Variants in CTNND2 observed in about 807,000 individuals in gnomAD.
CTNND2 encodes the protein catenin delta-2.
Under a neutral mutation model 144.4 loss-of-function variants are expected in CTNND2, and 22 were observed. The observed-to-expected ratio is 0.15, with a 90% CI of 0.11 to 0.22. CTNND2 has a LOEUF of 0.22. CTNND2 is among the 10% of genes least tolerant of loss of function. The pLI, the probability that CTNND2 is intolerant of heterozygous loss-of-function variation, is 1.00. For missense variants in CTNND2, 1,353 were observed against 1,618.8 expected (o/e 0.84, Z 2.82); for synonymous variants, 751 against 695.6 (o/e 1.08, Z -1.25).
At chr5:11,492,561 TCTC>T (rs1468527513) in intron 3 of CTNND2, among the ~76,000 whole-genome samples, 2 of 151,250 alleles carry the variant, frequency 1.3e-5, no homozygotes, top group South Asian at 2.1e-4. Flanking sequence ...GGACTTTCTT[TCTC>T]CTATCAGCCA....
intron 3 of CTNND2, among the ~76,000 whole-genome samples, chr5:11,499,454 CAT>C (rs1457089930): frequency 6.6e-6 from 1 of 152,168 alleles, no homozygotes; most frequent in Non-Finnish European, 1.5e-5. Context: ...ATTTCATAAA[CAT>C]AGAGAGATTA....
intron 8 of CTNND2, among the ~76,000 whole-genome samples, chr5:11,352,833 T>C (rs1000455709): frequency 1.3e-5 from 2 of 152,168 alleles, no homozygotes; most frequent in East Asian, 1.9e-4. Context: ...TATGGCGATA[T>C]ACAGCATAAT....
At chr5:11,582,780 TAAG>T (rs1241536824) in intron 2 of CTNND2, among the ~76,000 whole-genome samples, 5 of 152,350 alleles carry the variant, frequency 3.3e-5, no homozygotes, top group African/African-American at 1.2e-4. Context: ...ACCACAGTGA[TAAG>T]AAGGTTGCCA....
intron 9 of CTNND2, among the ~76,000 whole-genome samples, chr5:11,269,356 C>T (rs867880240): frequency 2.6e-5 from 4 of 152,316 alleles, no homozygotes; most frequent in South Asian, 2.1e-4. Context: ...CAAAACTTCT[C>T]TTTGAAATCT....
At chr5:11,180,987 C>T (rs2149798948) in intron 11 of CTNND2, among the ~76,000 whole-genome samples, 2 of 152,224 alleles carry the variant, frequency 1.3e-5, no homozygotes, top group South Asian at 4.2e-4. Context: ...TGGGGAAGAA[C>T]CAAGTCTGTG....
intron 1 of CTNND2, among the ~76,000 whole-genome samples, chr5:11,856,740 A>G (rs536104332): frequency 6.6e-6 from 1 of 152,304 alleles, no homozygotes; most frequent in East Asian, 1.9e-4. Context: ...GATATGATTC[A>G]CTTACTGGTA....
chr5:11,601,916 G>A (rs567283484), intron 2 of CTNND2, among the ~76,000 whole-genome samples: 3 of 152,136 alleles, frequency 2.0e-5, no homozygotes, highest in East Asian at 3.9e-4. Flanking sequence ...CTATGTCTCA[G>A]AACATTCACC....
intron 12 of CTNND2, among the ~76,000 whole-genome samples, chr5:11,142,699 C>T (rs894608071): frequency 2.5e-4 from 38 of 151,118 alleles, no homozygotes; most frequent in African/African-American, 7.3e-4. Context: ...CTGCAAGCTC[C>T]GCCTCCCGGG....
chr5:11,045,713 C>T (rs1462885450), intron 16 of CTNND2, among the ~76,000 whole-genome samples: 1 of 152,148 alleles, frequency 6.6e-6, no homozygotes, highest in Non-Finnish European at 1.5e-5. Flanking sequence ...GATCTCATCT[C>T]AAGACCCTTA....
At chr5:11,423,932 A>C (rs1168545907) in intron 3 of CTNND2, among the ~76,000 whole-genome samples, 1 of 152,194 alleles carries the variant, frequency 6.6e-6, no homozygotes, top group Non-Finnish European at 1.5e-5. Context: ...ATTTGTAAAA[A>C]ATAAGTTTCA....
intron 3 of CTNND2, among the ~76,000 whole-genome samples, chr5:11,465,248 A>G (rs1053973354): frequency 6.6e-6 from 1 of 151,994 alleles, no homozygotes; most frequent in Non-Finnish European, 1.5e-5. Flanking sequence ...GTCTTTTACT[A>G]TGCATACCTA....
chr5:11,314,345 G>A (rs1403855418), intron 9 of CTNND2, among the ~76,000 whole-genome samples: 1 of 152,036 alleles, frequency 6.6e-6, no homozygotes, highest in Non-Finnish European at 1.5e-5. Context: ...ATGTTTTGGG[G>A]ACCCTAAAAG....
chr5:11,784,732 C>T (rs775714779), intron 1 of CTNND2, among the ~76,000 whole-genome samples: 1 of 152,106 alleles, frequency 6.6e-6, no homozygotes, highest in South Asian at 2.1e-4. Flanking sequence ...AGAAGCAAAC[C>T]CCATGAATTC....
chr5:11,423,280 T>C (rs961693613), intron 3 of CTNND2, among the ~76,000 whole-genome samples: 11 of 152,254 alleles, frequency 7.2e-5, no homozygotes, highest in Non-Finnish European at 1.5e-4. Flanking sequence ...GGTGACATTA[T>C]AACTCACAGT....
chr5:11,481,510 G>A (rs1561456331), intron 3 of CTNND2, among the ~76,000 whole-genome samples: 1 of 152,166 alleles, frequency 6.6e-6, no homozygotes, highest in Non-Finnish European at 1.5e-5. Flanking sequence ...GGCTGAGATG[G>A]GAGGATCACT....
At chr5:11,564,335 G>A (rs1237849153) in intron 3 of CTNND2, among the ~76,000 whole-genome samples, 6 of 152,108 alleles carry the variant, frequency 3.9e-5, no homozygotes, top group Admixed American at 1.3e-4. Context: ...TTTCATATAC[G>A]AAAGCCTGGT....
chr5:11,295,280 G>A (rs1228405354), intron 9 of CTNND2, among the ~76,000 whole-genome samples: 3 of 152,116 alleles, frequency 2.0e-5, no homozygotes, highest in Non-Finnish European at 4.4e-5. Context: ...TACAAGGGAC[G>A]TGAAGGACCT....
intron 9 of CTNND2, among the ~76,000 whole-genome samples, chr5:11,241,643 T>C (rs762916947): frequency 6.6e-5 from 10 of 152,224 alleles, no homozygotes; most frequent in Non-Finnish European, 1.2e-4. Context: ...GGGGGAATGA[T>C]TTATCTCCAA....
chr5:11,599,888 G>A (rs1304848591), intron 2 of CTNND2, among the ~76,000 whole-genome samples: 3 of 152,092 alleles, frequency 2.0e-5, no homozygotes, highest in Non-Finnish European at 4.4e-5. Context: ...CTGCTCTTCT[G>A]TCGGCATTCT....
Sources: allele counts gnomAD v4.1 joint callset (sites outside exome capture counted in the v4.1 genomes callset), GRCh38; gene constraint gnomAD v4.1.1; transcripts MANE v1.5; gene names NCBI Gene and HGNC (gene_info 2026-07-23, HGNC 2026-07-21).